The following SH3GL3 variants were observed in gnomAD, a reference collection of about 807,000 sequenced individuals.
The protein encoded by SH3GL3 is SH3 domain containing GRB2 like 3, endophilin A3, also known as endophilin-A3.
In SH3GL3, 33 loss-of-function variants were observed where a neutral mutation model predicts 47.7. That is an observed-to-expected ratio of 0.69 (90% CI 0.52 to 0.92). The LOEUF (loss-of-function observed/expected upper bound fraction) is 0.92. Ranked by LOEUF, SH3GL3 falls within the 40% of genes least tolerant of loss-of-function variation. The pLI is 0.00. For synonymous variants in SH3GL3, 155 were observed against 148.8 expected, an observed-to-expected ratio of 1.04 and a Z score of -0.30; for missense variants, 363 against 417.8, an observed-to-expected ratio of 0.87 and a Z score of 1.14.
Position 83,447,518 on chromosome 15 carries a change from G to C in SH3GL3, c.-16G>C, listed in dbSNP as rs750974228. On this transcript the variant is annotated 5_prime_UTR_variant, in exon 1 of 9. Transcript: ENST00000427482. The surrounding 1 kb of genome is among the most constrained non-coding windows in gnomAD (Gnocchi z 5.1). ...CGAGCCTTGAGACCACCCCGCCCCT[G>C]CCGGTCGCAGTCGCGATGTCGGTGG... 46 of 1,501,060 alleles carry C rather than the reference G, an allele frequency of 3.1e-5. No individual in the cohort carries two copies. In the South Asian group the frequency reaches 5.0e-4, roughly 16 times the overall value. 93.0% of individuals were successfully genotyped at this position (1,501,060 alleles called of 1,614,324 possible).
intron 6 of SH3GL3, among the ~76,000 whole-genome samples, chr15:83,585,390 T>C (rs534419665): frequency 2.6e-5 from 4 of 152,198 alleles, no homozygotes; most frequent in Admixed American, 2.0e-4. Flanking sequence ...TCAAGAAATA[T>C]TAATTTAGCT....
At chr15:83,592,828 C>T (rs1223887942) in intron 8 of SH3GL3, among the ~76,000 whole-genome samples, 1 of 152,112 alleles carries the variant, frequency 6.6e-6, no homozygotes, top group Non-Finnish European at 1.5e-5. Flanking sequence ...TAGATGTAGG[C>T]TGGGATTAAA....
the SH3GL3 span, among the ~76,000 whole-genome samples, chr15:83,631,956 A>G: frequency 6.6e-6 from 1 of 152,186 alleles, no homozygotes; most frequent in Non-Finnish European, 1.5e-5. Flanking sequence ...CCAAACTTTT[A>G]TGCTCTGCTT....
chr15:83,615,209 TTAA>T (rs1274105110), intron 8 of SH3GL3, among the ~76,000 whole-genome samples: 1 of 152,142 alleles, frequency 6.6e-6, no homozygotes, highest in Non-Finnish European at 1.5e-5. Flanking sequence ...ATGTGTCATA[TTAA>T]TACTGAAATA....
At chr15:83,545,422 T>C (rs1172321937) in intron 1 of SH3GL3, among the ~76,000 whole-genome samples, 1 of 152,216 alleles carries the variant, frequency 6.6e-6, no homozygotes, top group African/African-American at 2.4e-5. Flanking sequence ...TCCTTCACTG[T>C]ATTATCTTGG....
At chr15:83,596,512 CCTGG>C (rs1269279713) in intron 8 of SH3GL3, among the ~76,000 whole-genome samples, 2 of 152,200 alleles carry the variant, frequency 1.3e-5, no homozygotes, top group Non-Finnish European at 2.9e-5. Context: ...GTCTATTTCT[CCTGG>C]CAATTGTATC....
chr15:83,569,000 G>A (rs1018898915), intron 4 of SH3GL3, among the ~76,000 whole-genome samples: 1 of 149,704 alleles, frequency 6.7e-6, no homozygotes, highest in Non-Finnish European at 1.5e-5. Flanking sequence ...AGGTTCAAAC[G>A]ATTCTCGTGC....
intron 1 of SH3GL3, among the ~76,000 whole-genome samples, chr15:83,510,503 G>A (rs182691130): frequency 1.6e-4 from 24 of 152,278 alleles, no homozygotes; most frequent in African/African-American, 5.8e-4. Context: ...CACAGACATT[G>A]CCTGTCAATG....
At chr15:83,483,106 T>C (rs1292703872) in intron 1 of SH3GL3, among the ~76,000 whole-genome samples, 5 of 152,236 alleles carry the variant, frequency 3.3e-5, no homozygotes, top group Non-Finnish European at 7.3e-5. Flanking sequence ...CTGAGTTTCT[T>C]CATATGTTGG....
intron 1 of SH3GL3, among the ~76,000 whole-genome samples, chr15:83,504,437 T>C (rs1186018770): frequency 6.6e-6 from 1 of 152,206 alleles, no homozygotes; most frequent in African/African-American, 2.4e-5. Context: ...ACCAATAGAA[T>C]ATACAGAAAC....
intron 1 of SH3GL3, among the ~76,000 whole-genome samples, chr15:83,539,541 A>G (rs2044066156): frequency 6.6e-6 from 1 of 152,208 alleles, no homozygotes; most frequent in Admixed American, 6.5e-5. Context: ...TTTTTGTCAA[A>G]TTGCCTATAC....
chr15:83,515,860 G>C (rs1406496224), intron 1 of SH3GL3, among the ~76,000 whole-genome samples: 3 of 152,170 alleles, frequency 2.0e-5, no homozygotes, highest in Non-Finnish European at 4.4e-5. Flanking sequence ...CACTCGTGAA[G>C]TTATGGAACA....
chr15:83,599,403 C>T (rs1016575225), intron 8 of SH3GL3, among the ~76,000 whole-genome samples: 1 of 152,194 alleles, frequency 6.6e-6, no homozygotes, highest in Non-Finnish European at 1.5e-5. Flanking sequence ...TATGTCTTTG[C>T]ATCCTCATAG....
At chr15:83,474,984 A>G (rs1026742744) in intron 1 of SH3GL3, among the ~76,000 whole-genome samples, 5 of 151,734 alleles carry the variant, frequency 3.3e-5, no homozygotes, top group Non-Finnish European at 7.4e-5. Flanking sequence ...GTAGTGACCT[A>G]TTTAGGAATC....
At chr15:83,483,346 T>C (rs1044967349) in intron 1 of SH3GL3, among the ~76,000 whole-genome samples, 5 of 152,222 alleles carry the variant, frequency 3.3e-5, no homozygotes, top group African/African-American at 7.2e-5. Context: ...CTGCCTGGTA[T>C]GATAGCCACT....
chr15:83,494,648 T>G (rs1339303328), intron 1 of SH3GL3, among the ~76,000 whole-genome samples: 2 of 151,900 alleles, frequency 1.3e-5, no homozygotes, highest in Non-Finnish European at 2.9e-5. Context: ...GTTCAAGCGA[T>G]TCTCCTGCCT....
intron 8 of SH3GL3, among the ~76,000 whole-genome samples, chr15:83,615,107 GA>G (rs11340559): frequency 0.17 from 23,170 of 138,186 alleles, 2,498 homozygotes; most frequent in African/African-American, 0.32. Context: ...CACTTATTAA[GA>G]AAAAAAAAAA....
intron 1 of SH3GL3, among the ~76,000 whole-genome samples, chr15:83,462,202 TC>T (rs1406308007): frequency 2.6e-5 from 4 of 152,326 alleles, no homozygotes; most frequent in Admixed American, 6.5e-5. Flanking sequence ...GATGCCATAG[TC>T]AGAGGCATTC....
At chr15:83,538,830 T>C (rs1371273913) in intron 1 of SH3GL3, among the ~76,000 whole-genome samples, 3 of 152,196 alleles carry the variant, frequency 2.0e-5, no homozygotes, top group African/African-American at 7.2e-5. Flanking sequence ...TTTACATGGA[T>C]TTTGGTGCAC....
Sources: allele counts gnomAD v4.1 joint callset (sites outside exome capture counted in the v4.1 genomes callset), GRCh38; gene constraint gnomAD v4.1.1; non-coding constraint Gnocchi (gnomAD v3.1); transcripts MANE v1.5; gene names NCBI Gene and HGNC (gene_info 2026-07-23, HGNC 2026-07-21).